NHS: variants seen among roughly 807,000 people sequenced by gnomAD.
NHS encodes actin remodeling regulator NHS.
A neutral mutation model predicts 72.5 loss-of-function variants in NHS; 5 were observed. The ratio of observed to expected loss-of-function variants is 0.07; its 90% confidence interval spans 0.04 to 0.14. The LOEUF (loss-of-function observed/expected upper bound fraction) is 0.14, where lower values mean the gene tolerates loss of function less well. Ranked by LOEUF, NHS falls within the 10% of genes least tolerant of loss-of-function variation. The pLI is 1.00. For synonymous variants in NHS, 464 were observed against 547.7 expected, an observed-to-expected ratio of 0.85 and a Z score of 2.13; for missense variants, 1,072 against 1,355.7, an observed-to-expected ratio of 0.79 and a Z score of 3.29.
intron 1 of NHS, among the ~76,000 whole-genome samples, chrX:17,674,423 A>C: frequency 8.9e-6 from 1 of 112,391 alleles, no homozygotes; most frequent in Non-Finnish European, 1.9e-5. Flanking sequence ...GTAACGTTGA[A>C]CCACATGAAA....
intron 1 of NHS, among the ~76,000 whole-genome samples, chrX:17,458,373 C>T (rs971876615): frequency 1.8e-5 from 2 of 111,288 alleles, no homozygotes; most frequent in African/African-American, 3.3e-5. Context: ...AGACCACAGG[C>T]GCACACTACC....
chrX:17,714,376 G>T (rs907717531), intron 3 of NHS, among the ~76,000 whole-genome samples: 4 of 111,045 alleles, frequency 3.6e-5, no homozygotes, highest in South Asian at 3.8e-4. Flanking sequence ...CACTTATTCT[G>T]GGGAAACCAA....
At chrX:17,532,557 CAA>C (rs2065203558) in intron 1 of NHS, among the ~76,000 whole-genome samples, 1 of 111,727 alleles carries the variant, frequency 9.0e-6, no homozygotes, top group Non-Finnish European at 1.9e-5. Flanking sequence ...TTTACAAAGA[CAA>C]GAGCAAATTC....
chrX:17,411,084 A>G (rs1271466579), intron 1 of NHS, among the ~76,000 whole-genome samples: 1 of 112,273 alleles, frequency 8.9e-6, no homozygotes, highest in Non-Finnish European at 1.9e-5. Flanking sequence ...TTGGCTAAGT[A>G]TCATAAAAGG....
At chrX:17,414,235 C>T (rs2064579330) in intron 1 of NHS, among the ~76,000 whole-genome samples, 1 of 112,228 alleles carries the variant, frequency 8.9e-6, no homozygotes, top group Admixed American at 9.4e-5. Flanking sequence ...TTCTCTTAAC[C>T]TTAGTTTGCT....
rs939911942 is a variant in NHS at position 17,677,350 on chromosome X, A to C, written c.566-10392A>C. Among the ~76,000 whole-genome samples the C allele has an allele frequency of 2.7e-5, 3 of 111,893 alleles. No individual in the cohort carries two copies. In the Admixed American group the frequency reaches 2.9e-4, roughly 11 times the overall value. On this transcript the variant is annotated intron_variant, in intron 1 of 8. Transcript: ENST00000676302. ...TGTGTGCTCTGTGGAATGGTAGCTT[A>C]AACAGTACAATTTCTAGCTTTGCCA... is the stretch of plus-strand genomic sequence containing the variant.
chrX:17,524,525 T>G (rs1241268621), intron 1 of NHS, among the ~76,000 whole-genome samples: 1 of 112,550 alleles, frequency 8.9e-6, no homozygotes, highest in African/African-American at 3.2e-5. Flanking sequence ...TTCATAACTC[T>G]TCCTTTGTCT....
chrX:17,479,679 G>A (rs1384218080), intron 1 of NHS, among the ~76,000 whole-genome samples: 1 of 111,796 alleles, frequency 8.9e-6, no homozygotes, highest in Non-Finnish European at 1.9e-5. Context: ...TGTTTGTTGG[G>A]CACATAAATG....
At chrX:17,608,595 C>G (rs758769715) in intron 1 of NHS, among the ~76,000 whole-genome samples, 15 of 111,367 alleles carry the variant, frequency 1.3e-4, no homozygotes, top group African/African-American at 4.9e-4. Context: ...TCAGGCCTGG[C>G]TTCCCAGGGA....
intron 5 of NHS, among the ~76,000 whole-genome samples, chrX:17,723,360 G>C (rs2066417043): frequency 8.9e-6 from 1 of 111,860 alleles, no homozygotes; most frequent in African/African-American, 3.3e-5. Flanking sequence ...AAAAATCCAT[G>C]GTGCAGACAA....
rs1027070032 is a variant in NHS at position 17,439,776 on chromosome X, CAG to C, written c.565+63457_565+63458del. On this transcript the variant is annotated intron_variant, in intron 1 of 8. Transcript: ENST00000676302. ...TGTGTGTATATGTGTGAGCTTTTCA[CAG>C]AGTGTGTTGTGACCCATTCATAGAT... Among the ~76,000 whole-genome samples, 9 of 112,220 alleles carry C rather than the reference CAG, an allele frequency of 8.0e-5. No individual in the cohort carries two copies. In the East Asian group the frequency reaches 2.2e-3, roughly 28 times the overall value.
At chrX:17,501,755 T>G (rs2065037227) in intron 1 of NHS, among the ~76,000 whole-genome samples, 1 of 112,123 alleles carries the variant, frequency 8.9e-6, no homozygotes, top group Non-Finnish European at 1.9e-5. Context: ...CAAAAAGATG[T>G]GTGGGCTGGG....
intron 1 of NHS, among the ~76,000 whole-genome samples, chrX:17,416,787 G>A (rs2064597585): frequency 9.6e-6 from 1 of 104,197 alleles, no homozygotes; most frequent in Non-Finnish European, 1.9e-5. Flanking sequence ...GGAAAATGTA[G>A]GAGTATGTGT....
In NHS at chrX:17,430,337, CTCTT is replaced by C. The variant is rs1226357646; in HGVS notation, c.565+54029_565+54032del. Among the ~76,000 whole-genome samples, 403 of 70,029 alleles carry C rather than the reference CTCTT, an allele frequency of 5.8e-3. 5 individuals are homozygous for C. Among genetic ancestry groups the C allele is most frequent in the African/African-American group, 0.018 (310 of 17,599 alleles). 60.8% of individuals were successfully genotyped at this position (70,029 alleles called of 115,157 possible). A position where few individuals can be genotyped will look rare whatever the true frequency, so the allele number is the denominator to read the frequency against. ...TTTCCTTTCTTTCTTTCTTTTTCTT[CTCTT>C]TCTTTCTTTCTTTTTCTTCTTTCTT... On this transcript the variant is annotated intron_variant, in intron 1 of 8. Coordinates refer to ENST00000676302, the MANE Select transcript of NHS (RefSeq NM_001291867.2).
chrX:17,593,876 G>A (rs1292757785), intron 1 of NHS, among the ~76,000 whole-genome samples: 2 of 111,905 alleles, frequency 1.8e-5, no homozygotes, highest in Non-Finnish European at 3.8e-5. Flanking sequence ...TAGGTGGATG[G>A]ATGGATGGAT....
chrX:17,559,800 C>T (rs933238), intron 1 of NHS, among the ~76,000 whole-genome samples: 3 of 110,379 alleles, frequency 2.7e-5, no homozygotes, highest in Non-Finnish European at 5.7e-5. Flanking sequence ...CCCTTGCCCC[C>T]GGGAGAATAC....
intron 1 of NHS, among the ~76,000 whole-genome samples, chrX:17,672,313 T>C (rs2066052338): frequency 9.0e-6 from 1 of 111,555 alleles, no homozygotes; most frequent in Non-Finnish European, 1.9e-5. Context: ...GTAGATGACT[T>C]CTAAGGTCTC....
intron 1 of NHS, among the ~76,000 whole-genome samples, chrX:17,590,435 C>T (rs973625799): frequency 9.0e-6 from 1 of 111,218 alleles, no homozygotes; most frequent in Non-Finnish European, 1.9e-5. Flanking sequence ...TAGTATTACC[C>T]AGATATTAAA....
chrX:17,537,767 G>A lies in NHS; in HGVS notation c.566-149975G>A, dbSNP rs1382977587. Among the ~76,000 whole-genome samples, 6 of 111,798 alleles carry A rather than the reference G, an allele frequency of 5.4e-5. No homozygotes were observed. In the East Asian group the frequency reaches 8.5e-4, roughly 16 times the overall value. The stretch of plus-strand genomic sequence containing the variant: ...ACTGTCCTGCTCAGCTTCCTGACCC[G>A]CCAGGCTGATGTCAGAGGGTTTATT... On this transcript the variant is annotated intron_variant, in intron 1 of 8. Transcript: ENST00000676302.
Sources: allele counts gnomAD v4.1 joint callset (sites outside exome capture counted in the v4.1 genomes callset), GRCh38; gene constraint gnomAD v4.1.1; transcripts MANE v1.5; gene names NCBI Gene and HGNC (gene_info 2026-07-23, HGNC 2026-07-21).